Variants in CACNA2D1 observed in about 807,000 individuals in gnomAD.
CACNA2D1 encodes the protein calcium voltage-gated channel auxiliary subunit alpha2delta 1.
Under a neutral mutation model 171.5 loss-of-function variants are expected in CACNA2D1, and 53 were observed. The observed-to-expected ratio is 0.31, with a 90% CI of 0.25 to 0.39. CACNA2D1 has a LOEUF of 0.39. Among genes scored for constraint, CACNA2D1 ranks in the 10% least tolerant of loss-of-function variants. The probability of loss-of-function intolerance (pLI) is 1.00; values close to 1 mark genes in which losing one functional copy is unlikely to be tolerated. For missense variants in CACNA2D1, 903 were observed against 1,299.8 expected (o/e 0.69, Z 4.69); for synonymous variants, 442 against 443.1 (o/e 1.00, Z 0.03).
At chr7:82,150,323 T>TC (rs1472332276) in intron 4 of CACNA2D1, among the ~76,000 whole-genome samples, 2 of 144,362 alleles carry the variant, frequency 1.4e-5, no homozygotes, top group Non-Finnish European at 3.0e-5. Context: ...CTACTTTTTT[T>TC]TTCCCCCCAG....
intron 3 of CACNA2D1, among the ~76,000 whole-genome samples, chr7:82,238,838 A>C (rs1803913708): frequency 6.6e-6 from 1 of 152,112 alleles, no homozygotes; most frequent in South Asian, 2.1e-4. Context: ...GCTCTGATGG[A>C]TCTGTCCTTG....
chr7:82,260,602 T>C (rs371887902), intron 3 of CACNA2D1, among the ~76,000 whole-genome samples: 2 of 152,226 alleles, frequency 1.3e-5, no homozygotes, highest in African/African-American at 4.8e-5. Flanking sequence ...GAGTTTTACA[T>C]ATGGCGTCCC....
At chr7:81,983,425 C>A in intron 22 of CACNA2D1, 91 bp from the exon 23 acceptor site, 1 of 932,322 alleles carries the variant, frequency 1.1e-6, no homozygotes, top group Non-Finnish European at 1.7e-6. Context: ...TATTCAATGA[C>A]TTTCTTGAAT....
intron 3 of CACNA2D1, among the ~76,000 whole-genome samples, chr7:82,249,891 G>T (rs902958760): frequency 1.3e-5 from 2 of 152,220 alleles, no homozygotes; most frequent in Admixed American, 6.5e-5. Context: ...ATAGGAAAAT[G>T]ATTGGTGAGT....
intron 3 of CACNA2D1, among the ~76,000 whole-genome samples, chr7:82,225,063 TCTTACTA>T (rs1427813838): frequency 1.3e-5 from 2 of 152,308 alleles, no homozygotes; most frequent in East Asian, 3.9e-4. Context: ...GTCCAAGTGA[TCTTACTA>T]CTTTGTTGAG....
chr7:82,358,839 C>T (rs1284822025), intron 1 of CACNA2D1, among the ~76,000 whole-genome samples: 2 of 152,042 alleles, frequency 1.3e-5, no homozygotes, highest in Non-Finnish European at 2.9e-5. Flanking sequence ...TCTTCTTTTC[C>T]ACTATCTTGG....
intron 1 of CACNA2D1, among the ~76,000 whole-genome samples, chr7:82,353,295 T>C (rs1015880895): frequency 6.6e-6 from 1 of 152,010 alleles, no homozygotes; most frequent in Non-Finnish European, 1.5e-5. Flanking sequence ...AGGAAGAATA[T>C]GGGATGATTA....
chr7:82,054,422 TCCCCTTGGA>T (rs1805566280), intron 10 of CACNA2D1, among the ~76,000 whole-genome samples: 1 of 152,184 alleles, frequency 6.6e-6, no homozygotes, highest in South Asian at 2.1e-4. Context: ...AGCATATTTT[TCCCCTTGGA>T]AGGGATAACT....
intron 3 of CACNA2D1, among the ~76,000 whole-genome samples, chr7:82,186,099 T>C (rs1293918533): frequency 6.7e-6 from 1 of 149,032 alleles, no homozygotes; most frequent in South Asian, 2.1e-4. Context: ...GAGGCTGCAG[T>C]GGGACAAGTT....
In CACNA2D1 at chr7:82,352,487, A is replaced by T. The variant is rs556798359; in HGVS notation, c.96-2838T>A. Among the ~76,000 whole-genome samples, 3 of 152,318 alleles carry T rather than the reference A, an allele frequency of 2.0e-5. No homozygotes were observed. In the South Asian group the frequency reaches 6.2e-4, roughly 32 times the overall value. ...AGAGGATACAGCTTTTTCACATAAT[A>T]AGAAACTAACATAGCACTCCATTAG... On this transcript the variant is annotated intron_variant, in intron 1 of 38. Coordinates refer to ENST00000356860, the MANE Select transcript of CACNA2D1 (RefSeq NM_000722.4).
chr7:82,254,361 C>G (rs1806027899), intron 3 of CACNA2D1, among the ~76,000 whole-genome samples: 1 of 151,964 alleles, frequency 6.6e-6, no homozygotes, highest in Non-Finnish European at 1.5e-5. Flanking sequence ...TGCTTTAAAC[C>G]TTTCTTTGTT....
intron 3 of CACNA2D1, among the ~76,000 whole-genome samples, chr7:82,259,262 C>T (rs1806767292): frequency 1.3e-5 from 2 of 152,022 alleles, no homozygotes; most frequent in Non-Finnish European, 2.9e-5. Flanking sequence ...ATAGGCAGGC[C>T]TTTTATGGAT....
chr7:82,044,718 T>C (rs1478790194), intron 10 of CACNA2D1, among the ~76,000 whole-genome samples: 2 of 152,094 alleles, frequency 1.3e-5, no homozygotes, highest in African/African-American at 2.4e-5. Context: ...AAAAGGAAAA[T>C]GACCAGAGGC....
intron 3 of CACNA2D1, among the ~76,000 whole-genome samples, chr7:82,212,023 T>C (rs1179843128): frequency 2.6e-5 from 4 of 152,186 alleles, no homozygotes; most frequent in Non-Finnish European, 5.9e-5. Context: ...CACGTGTATA[T>C]CTTCTTTTGG....
intron 3 of CACNA2D1, among the ~76,000 whole-genome samples, chr7:82,279,409 C>T (rs2299166): frequency 0.17 from 26,082 of 151,978 alleles, 3,042 homozygotes; most frequent in African/African-American, 0.34. Context: ...AAGACACATA[C>T]TGCAAATTAA....
intron 16 of CACNA2D1, among the ~76,000 whole-genome samples, chr7:82,006,300 T>G (rs895285016): frequency 6.6e-6 from 1 of 152,022 alleles, no homozygotes; most frequent in African/African-American, 2.4e-5. Flanking sequence ...AGTTCCTGTG[T>G]ATGTAACTAT....
intron 3 of CACNA2D1, among the ~76,000 whole-genome samples, chr7:82,319,033 A>G (rs12672787): frequency 0.16 from 23,795 of 152,200 alleles, 2,027 homozygotes; most frequent in South Asian, 0.28. Context: ...AATTAAATGG[A>G]TCTGGATACA....
At chr7:81,971,036 A>G (rs1160285761) in intron 26 of CACNA2D1, 1 of 322,788 alleles carries the variant, frequency 3.1e-6, no homozygotes, top group East Asian at 6.4e-5. Flanking sequence ...CATAAGGGAA[A>G]GCTACCAGAG....
At chr7:82,041,993 T>C (rs1214363193) in intron 10 of CACNA2D1, among the ~76,000 whole-genome samples, 1 of 152,160 alleles carries the variant, frequency 6.6e-6, no homozygotes, top group Non-Finnish European at 1.5e-5. Context: ...CACAGAAAAG[T>C]GAAGCATCTC....
Sources: gnomAD v4.1 joint callset for allele counts (sites outside exome capture counted in the v4.1 genomes callset) on GRCh38, gnomAD v4.1.1 for gene constraint, MANE v1.5 for transcripts, NCBI Gene and HGNC (gene_info 2026-07-23, HGNC 2026-07-21) for gene names.